CCSER2: variants seen among roughly 807,000 people sequenced by gnomAD.
CCSER2 encodes serine-rich coiled-coil domain-containing protein 2.
In CCSER2, 46 loss-of-function variants were observed where a neutral mutation model predicts 92.3. The observed-to-expected ratio is 0.50, with a 90% CI of 0.39 to 0.64. The LOEUF is 0.64. Ranked by LOEUF, CCSER2 falls within the 30% of genes least tolerant of loss-of-function variation. CCSER2 has a pLI of 0.00. For missense variants in CCSER2, 1,244 were observed against 1,238.9 expected (o/e 1.00, Z -0.06); for synonymous variants, 433 against 431.4 (o/e 1.00, Z -0.04).
rs4934019 is a variant in CCSER2 at position 84,488,287 on chromosome 10, A to C, written c.2325+10623A>C. 2.0e-5 allele frequency among the ~76,000 whole-genome samples: 3 copies of C among 151,920 alleles called. No homozygotes were observed. The South Asian group carries it at 6.2e-4, about 32-fold the overall frequency. On this transcript the variant is annotated intron_variant, in intron 9 of 9. Coordinates refer to ENST00000372088, the MANE Select transcript of CCSER2 (RefSeq NM_001284240.2). ...GTTAGGGAGGGTTCCCTCTTTTTCT[A>C]TTGATTGGAATAGTTTCAGAAGGAA... is the stretch of plus-strand genomic sequence containing the variant.
intron 3 of CCSER2, among the ~76,000 whole-genome samples, chr10:84,409,057 C>T (rs1392460072): frequency 1.3e-5 from 2 of 152,132 alleles, no homozygotes; most frequent in Non-Finnish European, 2.9e-5. Context: ...GTAGTGCGAT[C>T]TCGGCTCACT....
intron 6 of CCSER2, among the ~76,000 whole-genome samples, chr10:84,457,261 TATATTATATATA>T (rs1260794176): frequency 3.1e-5 from 1 of 32,118 alleles, no homozygotes; most frequent in African/African-American, 1.6e-4. Context: ...TTATATAAAA[TATATTATATATA>T]ATATATTATA....
At chr10:84,491,086 A>T (rs2131801768) in intron 9 of CCSER2, among the ~76,000 whole-genome samples, 1 of 152,316 alleles carries the variant, frequency 6.6e-6, no homozygotes, top group African/African-American at 2.4e-5. Context: ...TTTCTGCCTG[A>T]TCATTCCTCT....
In CCSER2 at chr10:84,513,588, A is replaced by G. The variant is rs1849481089; in HGVS notation, c.2465A>G (p.Glu822Gly). 1 of 1,613,832 alleles carries G rather than the reference A, an allele frequency of 6.2e-7. No individual in the cohort carries two copies. The highest frequency in any genetic ancestry group is 2.2e-5 in the East Asian group (1 of 44,884). The change falls in exon 10 of 10, where the codon GAA becomes GGA. Residue 822 changes from glutamate to glycine, a missense_variant. Glu to Gly is a moderately conservative substitution (Grantham distance 98). Coordinates refer to ENST00000372088, the MANE Select transcript of CCSER2 (RefSeq NM_001284240.2). ...CATCAGGGCGGTGCACATCCGGAAG[A>G]AAGCTTTACACACGTCTTGCACCAA... ...DMHQGGAHPE[E>G]SFTHVLHQES...
chr10:84,363,945 A>G (rs1433021480), intron 1 of CCSER2, among the ~76,000 whole-genome samples: 1 of 152,206 alleles, frequency 6.6e-6, no homozygotes, highest in Non-Finnish European at 1.5e-5. Context: ...ATGGTATACT[A>G]TCTTGCTTAT....
chr10:84,490,543 G>A (rs1848095856), intron 9 of CCSER2, among the ~76,000 whole-genome samples: 1 of 152,184 alleles, frequency 6.6e-6, no homozygotes, highest in African/African-American at 2.4e-5. Flanking sequence ...GGCTACTGAA[G>A]CTTGTGCATT....
chr10:84,405,092 A>G (rs1381184194), intron 3 of CCSER2, among the ~76,000 whole-genome samples: 6 of 152,186 alleles, frequency 3.9e-5, no homozygotes, highest in South Asian at 2.1e-4. Flanking sequence ...TACAGCAATC[A>G]GGACACTGTA....
intron 7 of CCSER2, among the ~76,000 whole-genome samples, chr10:84,469,547 A>G (rs766031714): frequency 2.0e-5 from 3 of 152,042 alleles, no homozygotes; most frequent in African/African-American, 7.2e-5. Flanking sequence ...AACACATCCT[A>G]ATTATTTGCT....
intron 1 of CCSER2, among the ~76,000 whole-genome samples, chr10:84,347,446 G>A (rs1302295824): frequency 2.0e-5 from 3 of 150,258 alleles, no homozygotes; most frequent in Non-Finnish European, 3.0e-5. Flanking sequence ...GGGTCGGCTG[G>A]CCGGGCGGGG....
At chr10:84,411,368 T>C (rs762522817) in intron 3 of CCSER2, among the ~76,000 whole-genome samples, 1 of 152,246 alleles carries the variant, frequency 6.6e-6, no homozygotes, top group African/African-American at 2.4e-5. Context: ...GGGAATAACA[T>C]TGAATCTATA....
chr10:84,482,011 G>A (rs1847487842), intron 9 of CCSER2, among the ~76,000 whole-genome samples: 1 of 152,082 alleles, frequency 6.6e-6, no homozygotes, highest in Non-Finnish European at 1.5e-5. Flanking sequence ...GTCACATGTA[G>A]CTAATTGACA....
intron 9 of CCSER2, among the ~76,000 whole-genome samples, chr10:84,503,301 T>G (rs1301922066): frequency 6.6e-6 from 1 of 152,212 alleles, no homozygotes; most frequent in Non-Finnish European, 1.5e-5. Context: ...TCAGGAAATT[T>G]TGACTTACAT....
At chr10:84,403,232 G>A (rs1842211728) in intron 3 of CCSER2, among the ~76,000 whole-genome samples, 1 of 152,010 alleles carries the variant, frequency 6.6e-6, no homozygotes, top group Non-Finnish European at 1.5e-5. Context: ...GATATCCATA[G>A]GTAAAACAAA....
Position 84,373,252 on chromosome 10 carries a change from A to G in CCSER2, c.1418-367A>G, listed in dbSNP as rs573869341. 1.2e-3 allele frequency among the ~76,000 whole-genome samples: 185 copies of G among 152,280 alleles called. 1 individual carries two copies. The highest frequency in any genetic ancestry group is 1.8e-3 in the Non-Finnish European group (121 of 68,014). On this transcript the variant is annotated intron_variant, in intron 2 of 9. Coordinates refer to ENST00000372088, the MANE Select transcript of CCSER2 (RefSeq NM_001284240.2). ...AGGGAGGCAATTATGAGTACCCTAC[A>G]TTATTTAATCTATGAAGTTAAATAG...
chr10:84,424,203 A>G (rs756559149), intron 4 of CCSER2, among the ~76,000 whole-genome samples: 3 of 151,700 alleles, frequency 2.0e-5, no homozygotes, highest in African/African-American at 4.8e-5. Flanking sequence ...TTCTTTTGCT[A>G]TCTTATTTTC....
At chr10:84,477,737 G>A in intron 9 of CCSER2, 73 bp downstream of exon 9, 2 of 790,568 alleles carry the variant, frequency 2.5e-6, no homozygotes, top group East Asian at 2.8e-5. Context: ...TCTTTTTACA[G>A]CAATCTCTAA....
intron 6 of CCSER2, among the ~76,000 whole-genome samples, chr10:84,457,572 ATT>A: frequency 9.8e-5 from 1 of 10,248 alleles, no homozygotes; most frequent in African/African-American, 4.3e-4. Flanking sequence ...ATAAATTTAT[ATT>A]TATATATTAT....
intron 7 of CCSER2, 45 bp from the exon 8 acceptor site, chr10:84,470,327 T>A (rs755505163): frequency 3.8e-6 from 4 of 1,054,942 alleles, no homozygotes; most frequent in Non-Finnish European, 5.1e-6. Context: ...TGCCTCTCAT[T>A]ATGGTATTTT....
At chr10:84,490,794 C>T (rs1243760254) in intron 9 of CCSER2, among the ~76,000 whole-genome samples, 1 of 152,206 alleles carries the variant, frequency 6.6e-6, no homozygotes, top group Admixed American at 6.5e-5. Context: ...GAGCTGCGTT[C>T]CTTTGGAGGG....
Sources: gnomAD v4.1 joint callset for allele counts (sites outside exome capture counted in the v4.1 genomes callset) on GRCh38, gnomAD v4.1.1 for gene constraint, MANE v1.5 for transcripts, NCBI Gene and HGNC (gene_info 2026-07-23, HGNC 2026-07-21) for gene names.